Variants in PEBP4 observed in about 807,000 individuals in gnomAD.
PEBP4 encodes the protein phosphatidylethanolamine binding protein 4.
PEBP4 carries 22 observed loss-of-function variants against 23.9 expected under a neutral mutation model. The ratio of observed to expected loss-of-function variants is 0.92; its 90% CI spans 0.66 to 1.31. The LOEUF (loss-of-function observed/expected upper bound fraction) is 1.31, where lower values mean the gene tolerates loss of function less well. Ranked by LOEUF, PEBP4 falls within the 40% of genes most tolerant of loss-of-function variation. The probability of loss-of-function intolerance (pLI) is 0.00; values close to 1 mark genes in which losing one functional copy is unlikely to be tolerated. For missense variants in PEBP4, 324 were observed against 281.7 expected, an observed-to-expected ratio of 1.15 and a Z score of -1.07; for synonymous variants, 112 against 99.3, an observed-to-expected ratio of 1.13 and a Z score of -0.76.
chr8:22,924,267 G>A (rs1488708697), intron 2 of PEBP4, among the ~76,000 whole-genome samples: 3 of 152,182 alleles, frequency 2.0e-5, no homozygotes, highest in African/African-American at 4.8e-5. Flanking sequence ...AGGACGTTGA[G>A]GCAGGAGGAT....
In PEBP4 at chr8:22,852,263, G is replaced by A. The variant is rs773020823; in HGVS notation, c.259-34528C>T. Among the ~76,000 whole-genome samples the A allele has an allele frequency of 3.9e-5, 6 of 152,272 alleles. No individual in the cohort carries two copies. The East Asian group carries it at 1.2e-3, about 29-fold the overall frequency. On this transcript the variant is annotated intron_variant, in intron 3 of 6. Transcript: ENST00000256404. ...AACTCCTGCCCTCCACCTCCAAAGC[G>A]TCAGCCCCTAGAGTACAGAAGAACT...
intron 3 of PEBP4, among the ~76,000 whole-genome samples, chr8:22,880,879 G>A (rs749095987): frequency 5.9e-5 from 9 of 152,206 alleles, no homozygotes; most frequent in Non-Finnish European, 1.3e-4. Flanking sequence ...CCTTGATGCA[G>A]TCCCCAAAGA....
chr8:22,749,805 C>A (rs199510245), intron 4 of PEBP4, among the ~76,000 whole-genome samples: 2 of 83,762 alleles, frequency 2.4e-5, no homozygotes, highest in African/African-American at 7.8e-5. Flanking sequence ...GTTTGTCATT[C>A]TTTTTTTTTT....
Position 22,934,541 on chromosome 8 carries a change from A to G in PEBP4, c.145-6821T>C, listed in dbSNP as rs190264287. Among the ~76,000 whole-genome samples the G allele has an allele frequency of 1.2e-4, 18 of 152,342 alleles. No individual in the cohort carries two copies. The East Asian group carries it at 2.5e-3, about 21-fold the overall frequency. Reference sequence around the variant, plus strand: ...AGAAATGGAGGAAATGAGGAACACAAAAAGCTGAAAAGCAGCCAGATGCAG... The same window carrying G: ...AGAAATGGAGGAAATGAGGAACACAGAAAGCTGAAAAGCAGCCAGATGCAG... On this transcript the variant is annotated intron_variant, in intron 1 of 1. Coordinates refer to the PEBP4 transcript ENST00000522278.
chr8:22,770,391 C>T (rs1386780222), intron 4 of PEBP4, among the ~76,000 whole-genome samples: 1 of 152,240 alleles, frequency 6.6e-6, no homozygotes, highest in Non-Finnish European at 1.5e-5. Context: ...CCAGCCTAGT[C>T]CCTGCTTCTC....
intron 4 of PEBP4, among the ~76,000 whole-genome samples, chr8:22,733,922 AAGGG>A (rs75250095): frequency 0.016 from 2,396 of 151,904 alleles, 21 homozygotes; most frequent in African/African-American, 0.026. Flanking sequence ...TCATGGAGAT[AAGGG>A]AGAGTAGAGG....
chr8:22,713,963 TTCACACCTGC>T (rs1804362369), intron 6 of PEBP4, among the ~76,000 whole-genome samples: 1 of 152,242 alleles, frequency 6.6e-6, no homozygotes, highest in Non-Finnish European at 1.5e-5. Flanking sequence ...ACTACTTTCC[TTCACACCTGC>T]TCACCCCTGC....
At chr8:22,915,279 A>C (rs528961529) in intron 3 of PEBP4, among the ~76,000 whole-genome samples, 2 of 151,182 alleles carry the variant, frequency 1.3e-5, no homozygotes, top group Non-Finnish European at 2.9e-5. Context: ...TCAAATGGTG[A>C]CTCTCCTCCC....
At chr8:22,743,088 C>T (rs1483341547) in intron 4 of PEBP4, among the ~76,000 whole-genome samples, 1 of 152,180 alleles carries the variant, frequency 6.6e-6, no homozygotes, top group Non-Finnish European at 1.5e-5. Flanking sequence ...TGCCAGACTC[C>T]AGTGCCCAGG....
intron 3 of PEBP4, among the ~76,000 whole-genome samples, chr8:22,889,940 A>G (rs1309560396): frequency 1.3e-5 from 2 of 152,134 alleles, no homozygotes; most frequent in African/African-American, 2.4e-5. Flanking sequence ...GCAATGTTCA[A>G]TTTTCTTTTC....
At chr8:22,742,520 C>T (rs1805018677) in intron 4 of PEBP4, among the ~76,000 whole-genome samples, 2 of 152,170 alleles carry the variant, frequency 1.3e-5, no homozygotes, top group South Asian at 4.1e-4. Context: ...TGGGTGTTTC[C>T]TATAGTGATG....
chr8:22,723,235 C>T (rs112028392), intron 6 of PEBP4, among the ~76,000 whole-genome samples: 3 of 152,262 alleles, frequency 2.0e-5, no homozygotes, highest in African/African-American at 7.2e-5. Flanking sequence ...TGGTCACCAA[C>T]ATCTTGGGAG....
At chr8:22,791,020 G>C (rs542216744) in intron 4 of PEBP4, among the ~76,000 whole-genome samples, 14 of 152,244 alleles carry the variant, frequency 9.2e-5, no homozygotes, top group Middle Eastern at 3.4e-3. Context: ...GGTGGGGGTG[G>C]TCAGCCACTA....
At chr8:22,787,951 G>T (rs960287336) in intron 4 of PEBP4, among the ~76,000 whole-genome samples, 1 of 152,140 alleles carries the variant, frequency 6.6e-6, no homozygotes, top group African/African-American at 2.4e-5. Flanking sequence ...CGTTGATAAC[G>T]CGTTGTGGAT....
chr8:22,791,902 G>A (rs908401128), intron 4 of PEBP4, among the ~76,000 whole-genome samples: 3 of 151,820 alleles, frequency 2.0e-5, no homozygotes, highest in African/African-American at 7.3e-5. Context: ...TGTCTCCCAG[G>A]CTGGACTGCA....
intron 4 of PEBP4, among the ~76,000 whole-genome samples, chr8:22,784,958 G>A (rs1338520972): frequency 1.3e-5 from 2 of 152,206 alleles, no homozygotes; most frequent in East Asian, 1.9e-4. Context: ...TGCGGGTGCT[G>A]GGGACACTGC....
intron 4 of PEBP4, among the ~76,000 whole-genome samples, chr8:22,738,868 C>T (rs1804927894): frequency 6.6e-6 from 1 of 152,202 alleles, no homozygotes; most frequent in Non-Finnish European, 1.5e-5. Context: ...CACATGCTCA[C>T]ACACACTCAC....
intron 3 of PEBP4, among the ~76,000 whole-genome samples, chr8:22,849,078 C>G (rs937046440): frequency 6.6e-6 from 1 of 152,196 alleles, no homozygotes; most frequent in Non-Finnish European, 1.5e-5. Context: ...TTGGGACTCT[C>G]AGTTCTGTGC....
intron 3 of PEBP4, chr8:22,885,773 G>A (rs890664232): frequency 1.3e-5 from 2 of 152,150 alleles, no homozygotes; most frequent in African/African-American, 4.8e-5. Flanking sequence ...ACGCCTCGTG[G>A]GTATTCACCA....
Sources: allele counts gnomAD v4.1 joint callset (sites outside exome capture counted in the v4.1 genomes callset), GRCh38; gene constraint gnomAD v4.1.1; transcripts MANE v1.5; gene names NCBI Gene and HGNC (gene_info 2026-07-23, HGNC 2026-07-21).